Variants in DAB1 observed in about 807,000 individuals in gnomAD.
The protein encoded by DAB1 is disabled homolog 1.
DAB1 carries 15 observed loss-of-function variants against 64.6 expected under a neutral mutation model. The observed-to-expected ratio is 0.23, with a 90% confidence interval of 0.16 to 0.36. The LOEUF (loss-of-function observed/expected upper bound fraction) is 0.36, where lower values mean the gene tolerates loss of function less well. DAB1 is among the 10% of genes least tolerant of loss of function. The pLI, the probability that DAB1 is intolerant of heterozygous loss-of-function variation, is 1.00. For synonymous variants in DAB1, 235 were observed against 251.9 expected (o/e 0.93, Z 0.64); for missense variants, 596 against 706.7 (o/e 0.84, Z 1.78).
intron 7 of DAB1, among the ~76,000 whole-genome samples, chr1:57,580,216 G>A (rs1037128740): frequency 3.3e-5 from 5 of 152,102 alleles, no homozygotes; most frequent in African/African-American, 7.2e-5. Flanking sequence ...AAGGAAAACT[G>A]AGCAGCTTCT....
At chr1:57,040,717 C>T (rs1647651362) in intron 9 of DAB1, among the ~76,000 whole-genome samples, 1 of 152,214 alleles carries the variant, frequency 6.6e-6, no homozygotes, top group Non-Finnish European at 1.5e-5. Flanking sequence ...TGGTCTCTTC[C>T]TATCTCCTTT....
chr1:57,928,432 C>G (rs1428874655), intron 5 of DAB1, among the ~76,000 whole-genome samples: 2 of 152,120 alleles, frequency 1.3e-5, no homozygotes, highest in Non-Finnish European at 2.9e-5. Flanking sequence ...TGTTACAATT[C>G]ATGAACCTGC....
intron 3 of DAB1, among the ~76,000 whole-genome samples, chr1:58,483,647 A>G (rs772727335): frequency 2.6e-5 from 4 of 152,230 alleles, no homozygotes; most frequent in African/African-American, 4.8e-5. Context: ...ATGTTTCCCA[A>G]CTATAGCACT....
chr1:58,399,498 C>T (rs1339203983), intron 3 of DAB1, among the ~76,000 whole-genome samples: 1 of 152,194 alleles, frequency 6.6e-6, no homozygotes, highest in African/African-American at 2.4e-5. Flanking sequence ...GATAGGGAAA[C>T]CAAGACGTGT....
At chr1:57,769,823 T>C (rs1649479112) in intron 6 of DAB1, among the ~76,000 whole-genome samples, 1 of 152,088 alleles carries the variant, frequency 6.6e-6, no homozygotes, top group Non-Finnish European at 1.5e-5. Context: ...TGTGGAAAAA[T>C]TATCATCATC....
chr1:57,575,051 C>G (rs1277730898), intron 7 of DAB1, among the ~76,000 whole-genome samples: 1 of 152,154 alleles, frequency 6.6e-6, no homozygotes, highest in Non-Finnish European at 1.5e-5. Flanking sequence ...AACTGCTGGC[C>G]TCATTGCTGG....
At chr1:57,656,773 T>C (rs1349767665) in intron 6 of DAB1, among the ~76,000 whole-genome samples, 1 of 152,238 alleles carries the variant, frequency 6.6e-6, no homozygotes, top group Non-Finnish European at 1.5e-5. Flanking sequence ...CTTTGTTGGT[T>C]TTGATTACTA....
chr1:57,403,690 T>C (rs1367772208), intron 1 of DAB1, among the ~76,000 whole-genome samples: 1 of 152,122 alleles, frequency 6.6e-6, no homozygotes, highest in Non-Finnish European at 1.5e-5. Flanking sequence ...AAAAACAAAT[T>C]TTTTATGGAT....
chr1:58,187,089 G>C (rs1473940156), intron 4 of DAB1, among the ~76,000 whole-genome samples: 7 of 152,144 alleles, frequency 4.6e-5, no homozygotes, highest in Non-Finnish European at 8.8e-5. Context: ...GATTATTAGA[G>C]AAGCTCAAAG....
intron 3 of DAB1, among the ~76,000 whole-genome samples, chr1:58,436,641 G>A (rs1364060122): frequency 6.6e-6 from 1 of 152,148 alleles, no homozygotes; most frequent in South Asian, 2.1e-4. Flanking sequence ...TTGGGTAAAG[G>A]TTCAGAAGCT....
chr1:57,620,595 G>A (rs1411159404), intron 7 of DAB1, among the ~76,000 whole-genome samples: 1 of 152,218 alleles, frequency 6.6e-6, no homozygotes, highest in Non-Finnish European at 1.5e-5. Context: ...TTGGATTAAA[G>A]AGGGCTTTGA....
intron 1 of DAB1, among the ~76,000 whole-genome samples, chr1:57,827,567 G>T (rs1055024351): frequency 1.3e-5 from 2 of 152,150 alleles, no homozygotes; most frequent in African/African-American, 4.8e-5. Context: ...TTAACACAGT[G>T]CCAGGAGTGC....
At chr1:57,396,627 A>G (rs1292073099) in intron 1 of DAB1, among the ~76,000 whole-genome samples, 10 of 152,160 alleles carry the variant, frequency 6.6e-5, no homozygotes, top group Non-Finnish European at 1.5e-5. Flanking sequence ...TTGAAATCGC[A>G]CTGGTTCAAA....
At chr1:57,218,317 T>G (rs1413690962) in intron 2 of DAB1, among the ~76,000 whole-genome samples, 5 of 152,108 alleles carry the variant, frequency 3.3e-5, no homozygotes, top group Admixed American at 3.3e-4. Flanking sequence ...AAGGCCCAGT[T>G]CAAACAACAT....
intron 6 of DAB1, among the ~76,000 whole-genome samples, chr1:57,729,126 C>T (rs1019669258): frequency 2.0e-5 from 3 of 152,168 alleles, no homozygotes; most frequent in African/African-American, 7.2e-5. Context: ...TGCAGTAATT[C>T]CAATGGGGAA....
chr1:58,304,991 T>C (rs1415129221), intron 4 of DAB1, among the ~76,000 whole-genome samples: 3 of 152,180 alleles, frequency 2.0e-5, no homozygotes, highest in Non-Finnish European at 4.4e-5. Flanking sequence ...TTAATTTTAA[T>C]TTTTTAGTGA....
At chr1:57,863,031 T>A (rs749760447) in intron 1 of DAB1, 48 of 152,320 alleles carry the variant, frequency 3.2e-4, no homozygotes, top group Non-Finnish European at 5.4e-4. Flanking sequence ...ACTTGTCAAG[T>A]GTCCAACAGG....
intron 4 of DAB1, among the ~76,000 whole-genome samples, chr1:57,123,905 G>T (rs1656890888): frequency 6.6e-6 from 1 of 152,102 alleles, no homozygotes; most frequent in African/African-American, 2.4e-5. Context: ...TAAGTGGTGA[G>T]ATTTCACATA....
chr1:57,949,419 C>G (rs779117407), intron 5 of DAB1, among the ~76,000 whole-genome samples: 25 of 151,960 alleles, frequency 1.6e-4, no homozygotes, highest in Non-Finnish European at 3.4e-4. Context: ...AGTACTGGTC[C>G]GTGGCCTGGG....
Sources: allele counts gnomAD v4.1 joint callset (sites outside exome capture counted in the v4.1 genomes callset), GRCh38; gene constraint gnomAD v4.1.1; transcripts MANE v1.5; gene names NCBI Gene and HGNC (gene_info 2026-07-23, HGNC 2026-07-21).